Variants in TRPM2 observed in about 807,000 individuals in gnomAD.
The protein encoded by TRPM2 is estrogen-responsive element-associated gene 1 protein.
TRPM2 carries 161 observed loss-of-function variants against 174.0 expected under a neutral mutation model. The ratio of observed to expected loss-of-function variants is 0.93; its 90% CI spans 0.81 to 1.05. The LOEUF (loss-of-function observed/expected upper bound fraction) is 1.05. Among genes scored for constraint, TRPM2 ranks in the 50% least tolerant of loss-of-function variants. The probability of loss-of-function intolerance (pLI) is 0.00; values close to 1 mark genes in which losing one functional copy is unlikely to be tolerated. For missense variants in TRPM2, 2,057 were observed against 2,038.0 expected, an observed-to-expected ratio of 1.01 and a Z score of -0.18; for synonymous variants, 954 against 861.3, an observed-to-expected ratio of 1.11 and a Z score of -1.88.
intron 16 of TRPM2, among the ~76,000 whole-genome samples, chr21:44,404,616 A>G (rs1442558259): frequency 6.6e-6 from 1 of 152,152 alleles, no homozygotes; most frequent in African/African-American, 2.4e-5. Flanking sequence ...TAGTGATGAT[A>G]GTGATAGTGA....
intron 22 of TRPM2, chr21:44,422,172 A>G (rs1205635137): frequency 2.2e-6 from 3 of 1,388,994 alleles, no homozygotes; most frequent in Admixed American, 4.9e-5. Flanking sequence ...CCCCTCCTCC[A>G]GTGAAGAAGC....
rs996500472 is a variant in TRPM2 at position 44,367,703 on chromosome 21, C to T, written c.604+769C>T. The stretch of plus-strand genomic sequence containing the variant: ...TCCGGATGGGCCTAGAGTCACCCTG[C>T]TCTTCCTGGGGTCTGGGGTCTGGTC... On this transcript the variant is annotated intron_variant, in intron 4 of 31. Coordinates refer to ENST00000397928, the MANE Select transcript of TRPM2 (RefSeq NM_003307.4). The surrounding 1 kb of genome is among the most constrained non-coding windows in gnomAD (Gnocchi z 4.6). Among the ~76,000 whole-genome samples, 6 of 152,250 alleles carry T rather than the reference C, an allele frequency of 3.9e-5. No individual in the cohort carries two copies. The highest frequency in any genetic ancestry group is 1.3e-4 in the Admixed American group (2 of 15,290).
chr21:44,427,018 A>G lies in TRPM2; in HGVS notation c.3881A>G (p.Glu1294Gly). ...TTCTCCTCTGCTCCCAGCACCCTGG[A>G]GCCACTGTCCACGATCCAGTACAAC... is the stretch of plus-strand genomic sequence containing the variant. ...AAMDPMGDTL[E>G]PLSTIQYNVV... The change falls in exon 27 of 32, where the codon GAG (glutamate) becomes GGG (glycine). Residue 1294 changes from glutamate (E) to glycine (G), a missense_variant. Coordinates refer to ENST00000397928, the MANE Select transcript of TRPM2 (RefSeq NM_003307.4). 1 of 1,599,192 alleles carries G rather than the reference A, an allele frequency of 6.3e-7. No homozygotes were observed. Among genetic ancestry groups the G allele is most frequent in the South Asian group, 1.1e-5 (1 of 88,664 alleles).
rs937857941 is a variant in TRPM2, at chr21:44,438,557, G to A, written c.4168-510G>A. Among the ~76,000 whole-genome samples the A allele has an allele frequency of 5.3e-5, 8 of 152,332 alleles. No individual in the cohort carries two copies. Among genetic ancestry groups the A allele is most frequent in the Non-Finnish European group, 1.0e-4 (7 of 68,026 alleles). On this transcript the variant is annotated intron_variant, in intron 29 of 31. Coordinates refer to ENST00000397928, the MANE Select transcript of TRPM2 (RefSeq NM_003307.4). This position sits in a 1 kb window ranked among gnomAD's most constrained non-coding sequence, Gnocchi z 5.9. ...GACAAATAGGGTGGGAAAGATGGGT[G>A]TGGGGAGGAGGAGGTGCAGGCCGGA... is the stretch of plus-strand genomic sequence containing the variant.
chr21:44,407,875 A>T (rs1785445), intron 19 of TRPM2, among the ~76,000 whole-genome samples: 106,531 of 151,184 alleles, frequency 0.7, 37,816 homozygotes, highest in East Asian at 0.77. Flanking sequence ...CCTTTTTTTT[A>T]AAAAAAATTA....
Position 44,395,447 on chromosome 21 carries a change from C to T in TRPM2, c.1828C>T (p.Arg610Cys), listed in dbSNP as rs149088338. ...AGTGAGCCTCCGGTCCCTCTACAAG[C>T]GTTCCTCAGGCCATGTGACCTTCAC... is the stretch of plus-strand genomic sequence containing the variant. Reference protein sequence around the residue: ...QGVSLRSLYKRSSGHVTFTMD... With the variant: ...QGVSLRSLYKCSSGHVTFTMD... The change falls in exon 12 of 32, where the codon CGT (arginine) becomes TGT (cysteine). Residue 610 changes from arginine to cysteine, a missense_variant. Physicochemically the swap from Arg to Cys is radical, Grantham distance 180. Coordinates refer to ENST00000397928, the MANE Select transcript of TRPM2 (RefSeq NM_003307.4). 3.5e-5 allele frequency: 57 copies of T among 1,612,784 alleles called. No homozygotes were observed. The highest frequency in any genetic ancestry group is 1.6e-4 in the Middle Eastern group (1 of 6,084).
Position 44,438,667 on chromosome 21 carries a change from C to T in TRPM2, c.4168-400C>T, listed in dbSNP as rs1332498299. Among the ~76,000 whole-genome samples, 2 of 152,060 alleles carry T rather than the reference C, an allele frequency of 1.3e-5. No homozygotes were observed. The highest frequency in any genetic ancestry group is 2.4e-5 in the African/African-American group (1 of 41,372). On this transcript the variant is annotated intron_variant, in intron 29 of 31. Transcript: ENST00000397928. The surrounding 1 kb of genome is among the most constrained non-coding windows in gnomAD (Gnocchi z 5.9). ...CAGGCCGGGGTGGGACTGGGAGAGA[C>T]GGGAATGCAAACAGGGAACCCGCCG...
At chr21:44,435,066 C>A in intron 27 of TRPM2, 65 bp from the exon 28 acceptor site, 1 of 1,529,690 alleles carries the variant, frequency 6.5e-7, no homozygotes, top group Non-Finnish European at 9.0e-7. Context: ...CTCAGTCCCC[C>A]TCCCTGCCCT....
At chr21:44,426,884 A>T in intron 26 of TRPM2, 126 bp from the exon 27 acceptor site, 1 of 1,313,896 alleles carries the variant, frequency 7.6e-7, no homozygotes, top group Non-Finnish European at 1.1e-6. Context: ...CCCAGCTCCT[A>T]CTGTTGTGTA....
chr21:44,373,638 G>GACCT (rs2048609872), intron 5 of TRPM2, among the ~76,000 whole-genome samples: 4 of 142,904 alleles, frequency 2.8e-5, no homozygotes, highest in African/African-American at 8.8e-5. Flanking sequence ...TATGCGACCC[G>GACCT]GATAGGCTGA....
At chr21:44,397,166 GTAAC>G (rs2146266436) in intron 12 of TRPM2, among the ~76,000 whole-genome samples, 1 of 151,960 alleles carries the variant, frequency 6.6e-6, no homozygotes, top group East Asian at 1.9e-4. Context: ...AGCCTCCTGA[GTAAC>G]TAGAACAACA....
At chr21:44,419,851 ATGG>A (rs1339322822) in intron 22 of TRPM2, among the ~76,000 whole-genome samples, 4 of 11,558 alleles carry the variant, frequency 3.5e-4, no homozygotes, top group South Asian at 2.5e-3. Flanking sequence ...GGTGCTTCTG[ATGG>A]TGGTAATGGT....
intron 2 of TRPM2, among the ~76,000 whole-genome samples, chr21:44,357,968 CCTT>C (rs1396173994): frequency 4.6e-5 from 7 of 152,218 alleles, no homozygotes; most frequent in Non-Finnish European, 8.8e-5. Context: ...GAATGTCCCT[CCTT>C]CTTGTGGAAA....
At chr21:44,435,666 C>T (rs769268994) in intron 28 of TRPM2, among the ~76,000 whole-genome samples, 40 of 143,112 alleles carry the variant, frequency 2.8e-4, no homozygotes, top group Admixed American at 6.9e-4. Flanking sequence ...CACCCATCCA[C>T]GGGGACAGAG....
At chr21:44,390,099 C>T (rs562836309) in intron 9 of TRPM2, among the ~76,000 whole-genome samples, 2 of 152,206 alleles carry the variant, frequency 1.3e-5, no homozygotes, top group South Asian at 2.1e-4. Flanking sequence ...GTCTCGATCT[C>T]CTGACCTCAT....
chr21:44,440,863 C>T lies in TRPM2; in HGVS notation c.4344C>T (p.His1448=), dbSNP rs1243200273. ...AWIETVAVSV[H]FQDQNDVELN... ...TCGAGACGGTGGCCGTCAGCGTCCACTTCCAGGACCAGAATGACGTGGAGC... is the reference window on the plus strand; with the variant it reads ...TCGAGACGGTGGCCGTCAGCGTCCATTTCCAGGACCAGAATGACGTGGAGC... Residue 1448 remains histidine, a synonymous_variant, in exon 31 of 32, where the codon CAC becomes CAT. Transcript: ENST00000397928. The T allele has an allele frequency of 3.1e-6, 5 of 1,613,854 alleles. No homozygotes were observed. In the East Asian group the frequency reaches 8.9e-5, roughly 29 times the overall value.
At chr21:44,436,515 G>T (rs7278129) in intron 28 of TRPM2, among the ~76,000 whole-genome samples, 8 of 128,210 alleles carry the variant, frequency 6.2e-5, no homozygotes, top group Admixed American at 3.1e-4. Flanking sequence ...GTCACCCCCG[G>T]GCTGCACTCT....
At chr21:44,400,775 C>A (rs2049591896) in intron 15 of TRPM2, among the ~76,000 whole-genome samples, 1 of 152,214 alleles carries the variant, frequency 6.6e-6, no homozygotes, top group Admixed American at 6.5e-5. Flanking sequence ...GCCGCAGAGC[C>A]TGTATTGATG....
At chr21:44,419,347 C>A (rs2050428535) in intron 22 of TRPM2, among the ~76,000 whole-genome samples, 1 of 152,142 alleles carries the variant, frequency 6.6e-6, no homozygotes, top group African/African-American at 2.4e-5. Flanking sequence ...CTTTCCATAC[C>A]TCCCTCACCT....
Sources: gnomAD v4.1 joint callset for allele counts (sites outside exome capture counted in the v4.1 genomes callset) on GRCh38, gnomAD v4.1.1 for gene constraint, Gnocchi (gnomAD v3.1) non-coding constraint, MANE v1.5 for transcripts, NCBI Gene and HGNC (gene_info 2026-07-23, HGNC 2026-07-21) for gene names.